The following TAB2 variants were observed in gnomAD, a reference collection of about 807,000 sequenced individuals.
TAB2 encodes TGF-beta-activated kinase 1 and MAP3K7-binding protein 2.
TAB2 carries 3 observed loss-of-function variants against 65.0 expected under a neutral mutation model. The observed-to-expected ratio is 0.05, with a 90% CI of 0.02 to 0.12. TAB2 has a LOEUF of 0.12. Among genes scored for constraint, TAB2 ranks in the 10% least tolerant of loss-of-function variants. The probability of loss-of-function intolerance (pLI) is 1.00; values close to 1 mark genes in which losing one functional copy is unlikely to be tolerated. For missense variants in TAB2, 623 were observed against 840.3 expected (o/e 0.74, Z 3.20); for synonymous variants, 298 against 285.1 (o/e 1.05, Z -0.46).
chr6:149,330,598 C>G (rs889313015), intron 1 of TAB2, among the ~76,000 whole-genome samples: 6 of 152,144 alleles, frequency 3.9e-5, no homozygotes, highest in African/African-American at 1.4e-4. Context: ...GAAATGTGTT[C>G]AAGTCTTTTG....
chr6:149,398,059 C>A lies in TAB2; in HGVS notation c.1855C>A (p.Arg619=), dbSNP rs1388522636. 4.3e-6 allele frequency: 7 copies of A among 1,612,992 alleles called. No homozygotes were observed. The highest frequency in any genetic ancestry group is 2.2e-5 in the South Asian group (2 of 91,056). The change falls in exon 5 of 7, where the codon CGA becomes AGA. Residue 619 remains arginine (R), a synonymous_variant. Transcript: ENST00000637181. ...LTKEIDLFQA[R]GPHFNPSAIH... ...CAAAGAAATTGATCTTTTTCAAGCC[C>A]GAGGTAAAGTTCAGTGTATTTGTAG...
chr6:149,356,210 C>T (rs1171252435), intron 1 of TAB2, among the ~76,000 whole-genome samples: 1 of 152,144 alleles, frequency 6.6e-6, no homozygotes, highest in Non-Finnish European at 1.5e-5. Context: ...GACTGCCATT[C>T]AACAGGTATT....
chr6:149,254,010 G>GAAAGAA (rs1554254270), intron 1 of TAB2, among the ~76,000 whole-genome samples: 3 of 137,166 alleles, frequency 2.2e-5, no homozygotes, highest in Admixed American at 7.5e-5. Flanking sequence ...AAGAAAGAAA[G>GAAAGAA]AAAGAAAGAA....
chr6:149,262,857 G>A (rs1233325033), intron 1 of TAB2, among the ~76,000 whole-genome samples: 1 of 151,670 alleles, frequency 6.6e-6, no homozygotes, highest in Non-Finnish European at 1.5e-5. Flanking sequence ...AGACTGGAGT[G>A]CTGTGGCACG....
intron 1 of TAB2, among the ~76,000 whole-genome samples, chr6:149,337,637 T>C (rs1779974805): frequency 6.6e-6 from 1 of 152,222 alleles, no homozygotes; most frequent in African/African-American, 2.4e-5. Context: ...TTTAAAAAAA[T>C]AACAGAAACT....
At chr6:149,255,213 G>A (rs1382682104) in intron 1 of TAB2, 1 of 152,198 alleles carries the variant, frequency 6.6e-6, no homozygotes, top group African/African-American at 2.4e-5. Flanking sequence ...GTTAGAAGAG[G>A]GAGAGACACC....
intron 1 of TAB2, chr6:149,221,271 A>G (rs979757633): frequency 6.6e-6 from 1 of 152,188 alleles, no homozygotes; most frequent in Non-Finnish European, 1.5e-5. Context: ...CAAGATTACT[A>G]CAATTAATTT....
intron 1 of TAB2, among the ~76,000 whole-genome samples, chr6:149,226,695 G>A (rs1036756795): frequency 4.6e-5 from 7 of 152,262 alleles, no homozygotes; most frequent in African/African-American, 9.6e-5. Context: ...TTTTTGTTTC[G>A]TTTTTGTAAG....
upstream of TAB2, among the ~76,000 whole-genome samples, chr6:149,312,840 TACAC>T (rs1485752769): frequency 6.6e-6 from 1 of 152,350 alleles, no homozygotes; most frequent in East Asian, 1.9e-4. Context: ...CATATCATCT[TACAC>T]AGTTATTTTT....
intron 1 of TAB2, among the ~76,000 whole-genome samples, chr6:149,361,674 T>C (rs1780858181): frequency 6.6e-6 from 1 of 152,304 alleles, no homozygotes; most frequent in East Asian, 1.9e-4. Flanking sequence ...CGAAAAAGCC[T>C]TTTCTTTCTC....
chr6:149,334,215 C>G (rs1408556465), intron 1 of TAB2, among the ~76,000 whole-genome samples: 1 of 152,202 alleles, frequency 6.6e-6, no homozygotes, highest in Non-Finnish European at 1.5e-5. Flanking sequence ...TCTTCATCCT[C>G]AGGTCTCCTC....
chr6:149,248,447 G>T (rs543869435), intron 1 of TAB2, among the ~76,000 whole-genome samples: 160 of 141,970 alleles, frequency 1.1e-3, no homozygotes, highest in African/African-American at 4.1e-3. Context: ...AAGGAAGGAA[G>T]GAAGAAAAGA....
chr6:149,271,159 G>T (rs2114675894), intron 1 of TAB2, among the ~76,000 whole-genome samples: 1 of 152,148 alleles, frequency 6.6e-6, no homozygotes, highest in Admixed American at 6.5e-5. Context: ...AGTGAGCTAT[G>T]ATTGCCCCAC....
intron 1 of TAB2, among the ~76,000 whole-genome samples, chr6:149,256,529 A>G (rs941344980): frequency 1.3e-5 from 2 of 152,352 alleles, no homozygotes; most frequent in East Asian, 1.9e-4. Flanking sequence ...GGTAGTATTC[A>G]AGCCCAAGTC....
intron 1 of TAB2, among the ~76,000 whole-genome samples, chr6:149,279,778 A>G (rs1281840417): frequency 1.3e-5 from 2 of 152,176 alleles, no homozygotes; most frequent in Admixed American, 1.3e-4. Context: ...TGCCCTTCAA[A>G]CAGCTCCACC....
chr6:149,249,912 T>C (rs1160284040), intron 1 of TAB2, among the ~76,000 whole-genome samples: 3 of 152,168 alleles, frequency 2.0e-5, no homozygotes, highest in Non-Finnish European at 2.9e-5. Context: ...GTTAGCTATT[T>C]GAAAACAGAG....
intron 1 of TAB2, among the ~76,000 whole-genome samples, chr6:149,346,974 G>A (rs956971196): frequency 2.0e-5 from 3 of 151,996 alleles, no homozygotes; most frequent in African/African-American, 7.3e-5. Context: ...CTTAGCTCCT[G>A]TTTTCTTTTA....
intron 1 of TAB2, among the ~76,000 whole-genome samples, chr6:149,238,878 G>A (rs952156655): frequency 6.6e-6 from 1 of 152,204 alleles, no homozygotes; most frequent in East Asian, 1.9e-4. Flanking sequence ...CATCTTAGAC[G>A]ACAGAGCCTT....
intron 6 of TAB2, among the ~76,000 whole-genome samples, chr6:149,407,590 A>AT: frequency 6.6e-6 from 1 of 152,228 alleles, no homozygotes; most frequent in South Asian, 2.1e-4. Flanking sequence ...GGAATCAATA[A>AT]TTTTTTGCAA....
Sources: gnomAD v4.1 joint callset for allele counts (sites outside exome capture counted in the v4.1 genomes callset) on GRCh38, gnomAD v4.1.1 for gene constraint, MANE v1.5 for transcripts, NCBI Gene and HGNC (gene_info 2026-07-23, HGNC 2026-07-21) for gene names.